Variants in WDR27 observed in about 807,000 individuals in gnomAD.
The protein encoded by WDR27 is WD repeat domain 27, also known as WD repeat-containing protein 27.
WDR27 carries 100 observed loss-of-function variants against 114.4 expected under a neutral mutation model. The ratio of observed to expected loss-of-function variants is 0.87; its 90% confidence interval spans 0.74 to 1.03. The LOEUF (loss-of-function observed/expected upper bound fraction) is 1.03, where lower values mean the gene tolerates loss of function less well. Among genes scored for constraint, WDR27 ranks in the 50% least tolerant of loss-of-function variants. The pLI is 0.00. For synonymous variants in WDR27, 449 were observed against 423.1 expected (o/e 1.06, Z -0.75); for missense variants, 1,129 against 1,092.9 (o/e 1.03, Z -0.47).
At chr6:169,533,548 G>A (rs1156823429) in intron 25 of WDR27, among the ~76,000 whole-genome samples, 1 of 152,162 alleles carries the variant, frequency 6.6e-6, no homozygotes, top group Non-Finnish European at 1.5e-5. Flanking sequence ...CTCCTTTAAT[G>A]GGTCATCTAT....
intron 25 of WDR27, among the ~76,000 whole-genome samples, chr6:169,487,847 T>C (rs1789146141): frequency 6.6e-6 from 1 of 152,180 alleles, no homozygotes; most frequent in Admixed American, 6.5e-5. Flanking sequence ...GTTTGGAGTT[T>C]TAAGGACAGT....
In WDR27 at chr6:169,649,195, C is replaced by T. The variant is rs367941245; in HGVS notation, c.1559+3G>A. On this transcript the variant is annotated splice_donor_region_variant and intron_variant, in intron 15 of 25. Transcript: ENST00000448612. ...TACTTGGAATGCACGCTACATCACA[C>T]ACCGTGCGCAGCTGCTCCTGCTCCT... 1.3e-6 allele frequency: 2 copies of T among 1,566,100 alleles called. No individual in the cohort carries two copies. The highest frequency in any genetic ancestry group is 2.3e-5 in the East Asian group (1 of 42,554).
At chr6:169,503,086 G>A (rs1355152112) in intron 25 of WDR27, among the ~76,000 whole-genome samples, 1 of 152,132 alleles carries the variant, frequency 6.6e-6, no homozygotes, top group Non-Finnish European at 1.5e-5. Flanking sequence ...TTTGTCTCTG[G>A]CTGTGTCCTC....
At chr6:169,636,852 C>T (rs1486583251) in intron 18 of WDR27, among the ~76,000 whole-genome samples, 4 of 152,190 alleles carry the variant, frequency 2.6e-5, no homozygotes, top group East Asian at 1.9e-4. Flanking sequence ...CAAATTTAGA[C>T]CTCACAACCA....
At chr6:169,606,658 G>T (rs868100027) in intron 22 of WDR27, among the ~76,000 whole-genome samples, 2 of 152,062 alleles carry the variant, frequency 1.3e-5, no homozygotes, top group African/African-American at 4.8e-5. Flanking sequence ...CCTTTTTATG[G>T]TTGCCTAGTA....
chr6:169,514,086 A>G (rs1793301554), intron 25 of WDR27, among the ~76,000 whole-genome samples: 1 of 152,184 alleles, frequency 6.6e-6, no homozygotes, highest in African/African-American at 2.4e-5. Flanking sequence ...TTCAGGATGG[A>G]TGAAGAGAGG....
At chr6:169,475,703 A>G (rs2115353701) in intron 25 of WDR27, among the ~76,000 whole-genome samples, 1 of 152,324 alleles carries the variant, frequency 6.6e-6, no homozygotes, top group African/African-American at 2.4e-5. Context: ...GCCTGAAAAT[A>G]TACATGGGTC....
chr6:169,576,781 C>G (rs1390752249), intron 24 of WDR27, among the ~76,000 whole-genome samples: 1 of 142,072 alleles, frequency 7.0e-6, no homozygotes, highest in Non-Finnish European at 1.5e-5. Context: ...AAAAAAAAGA[C>G]AAGAAAAGAA....
chr6:169,621,610 G>A (rs527775606), intron 21 of WDR27, among the ~76,000 whole-genome samples: 1 of 144,458 alleles, frequency 6.9e-6, no homozygotes, highest in African/African-American at 2.6e-5. Context: ...ACCCACACAT[G>A]CATTCACGCA....
intron 25 of WDR27, among the ~76,000 whole-genome samples, chr6:169,528,779 A>T (rs192715430): frequency 6.6e-6 from 1 of 152,314 alleles, no homozygotes; most frequent in East Asian, 1.9e-4. Flanking sequence ...CGCCCGCTTC[A>T]GCCTCCCAAA....
In WDR27 at chr6:169,569,362, G is replaced by A. The variant is rs950378498; in HGVS notation, c.2645+3057C>T. On this transcript the variant is annotated intron_variant, in intron 25 of 25. Transcript: ENST00000448612. ...ACATGCAAAGTAGCCTTTGATTCAT[G>A]TTCAGTTAACTCACAATGAACAGAT... Among the ~76,000 whole-genome samples the A allele has an allele frequency of 7.9e-5, 12 of 152,160 alleles. No homozygotes were observed. The East Asian group carries it at 2.1e-3, about 27-fold the overall frequency.
chr6:169,634,211 C>G (rs548559921), intron 20 of WDR27, among the ~76,000 whole-genome samples: 5 of 152,310 alleles, frequency 3.3e-5, no homozygotes, highest in African/African-American at 1.2e-4. Flanking sequence ...AGCTGTACGG[C>G]ACTCAGGTTT....
intron 25 of WDR27, among the ~76,000 whole-genome samples, chr6:169,539,479 G>C (rs968352334): frequency 6.6e-6 from 1 of 151,958 alleles, no homozygotes; most frequent in Admixed American, 6.6e-5. Flanking sequence ...TTCTTGCTCC[G>C]TGTATCATGT....
chr6:169,631,424 G>T (rs1357062084), intron 21 of WDR27, among the ~76,000 whole-genome samples: 1 of 151,994 alleles, frequency 6.6e-6, no homozygotes, highest in Non-Finnish European at 1.5e-5. Flanking sequence ...TGGGTGGTGG[G>T]GTGGGGGGGT....
At chr6:169,544,275 GA>G (rs1278853238) in intron 25 of WDR27, among the ~76,000 whole-genome samples, 2 of 151,892 alleles carry the variant, frequency 1.3e-5, no homozygotes, top group Non-Finnish European at 2.9e-5. Flanking sequence ...TTTGGGGAAG[GA>G]AATAAACTGT....
chr6:169,546,502 G>T lies in WDR27; in HGVS notation c.2645+25917C>A, dbSNP rs1797471579. ...CCGTGGGGACACTGAGGATAGGGCA[G>T]ATGTGTATCCACAGTCTCCTCAGAC... On this transcript the variant is annotated intron_variant, in intron 25 of 25. Transcript: ENST00000448612. Among the ~76,000 whole-genome samples the T allele has an allele frequency of 2.6e-5, 4 of 152,172 alleles. No homozygotes were observed. In the South Asian group the frequency reaches 6.2e-4, roughly 24 times the overall value.
At position 169,664,777 on chromosome 6, in the gene WDR27, A is replaced by G. The variant is rs1827307348; in HGVS notation, c.784-491T>C. ...TGAACTTAAAAGGCTCACCTAAAAAATGTTTTGAAAAAGGCCAACATCTTC... is the reference window on the plus strand; with the variant it reads ...TGAACTTAAAAGGCTCACCTAAAAAGTGTTTTGAAAAAGGCCAACATCTTC... On this transcript the variant is annotated intron_variant, in intron 7 of 25. Coordinates refer to ENST00000448612, the MANE Select transcript of WDR27 (RefSeq NM_182552.5). 4 of 994,778 alleles carry G rather than the reference A, an allele frequency of 4.0e-6. No individual in the cohort carries two copies. The South Asian group carries it at 1.3e-4, about 33-fold the overall frequency. The allele number at this position is 994,778 out of a possible 1,614,324, so 61.6% of individuals were successfully genotyped here.
chr6:169,623,366 T>C (rs1813820880), intron 21 of WDR27, among the ~76,000 whole-genome samples: 1 of 152,172 alleles, frequency 6.6e-6, no homozygotes, highest in South Asian at 2.1e-4. Context: ...GGAGTCATAA[T>C]AAAACTCCAG....
At chr6:169,608,386 A>G (rs557844569) in intron 22 of WDR27, among the ~76,000 whole-genome samples, 1 of 152,312 alleles carries the variant, frequency 6.6e-6, no homozygotes, top group Admixed American at 6.5e-5. Flanking sequence ...CATACCCTAG[A>G]CTGGGCAATT....
Sources: gnomAD v4.1 joint callset for allele counts (sites outside exome capture counted in the v4.1 genomes callset) on GRCh38, gnomAD v4.1.1 for gene constraint, MANE v1.5 for transcripts, NCBI Gene and HGNC (gene_info 2026-07-23, HGNC 2026-07-21) for gene names.